The following DMD variants were observed in gnomAD, a reference collection of about 807,000 sequenced individuals.
DMD encodes the protein dystrophin.
In DMD, 63 loss-of-function variants were observed where a neutral mutation model predicts 330.1. That is an observed-to-expected ratio of 0.19 (90% CI 0.16 to 0.24). The LOEUF is 0.24. Among genes scored for constraint, DMD ranks in the 10% least tolerant of loss-of-function variants. The probability of loss-of-function intolerance (pLI) is 1.00; values close to 1 mark genes in which losing one functional copy is unlikely to be tolerated. For synonymous variants in DMD, 1,223 were observed against 959.8 expected (o/e 1.27, Z -5.07); for missense variants, 3,344 against 2,684.1 (o/e 1.25, Z -5.43).
At chrX:32,404,945 C>T (rs1022850124) in intron 30 of DMD, among the ~76,000 whole-genome samples, 2 of 111,531 alleles carry the variant, frequency 1.8e-5, no homozygotes, top group African/African-American at 6.5e-5. Context: ...TCTTCCATCA[C>T]CCATTTTCCA....
At chrX:32,585,188 AGT>A (rs1361965546) in intron 13 of DMD, among the ~76,000 whole-genome samples, 4 of 111,082 alleles carry the variant, frequency 3.6e-5, no homozygotes, top group African/African-American at 9.8e-5. Context: ...GACTGGGAAG[AGT>A]GTGTGGATGG....
At chrX:32,930,990 TTATA>T (rs1197684101) in intron 2 of DMD, among the ~76,000 whole-genome samples, 1 of 107,909 alleles carries the variant, frequency 9.3e-6, no homozygotes, top group African/African-American at 3.3e-5. Context: ...TATACATTTA[TTATA>T]TATATTATTT....
In DMD at chrX:32,653,338, T is replaced by C. The variant is rs151082420; in HGVS notation, c.961-8186A>G. Among the ~76,000 whole-genome samples the C allele has an allele frequency of 6.4e-4, 71 of 111,580 alleles. 1 individual carries two copies. Among genetic ancestry groups the C allele is most frequent in the African/African-American group, 2.1e-3 (64 of 30,528 alleles). ...CCATCTTGAATTCATTTTTGTATAA[T>C]GTGTAAGGAAGGGATCCAGTTTCAG... is the stretch of plus-strand genomic sequence containing the variant. On this transcript the variant is annotated intron_variant, in intron 9 of 78. Coordinates refer to ENST00000357033, the MANE Select transcript of DMD (RefSeq NM_004006.3).
chrX:31,784,609 T>C (rs2091197148), intron 50 of DMD, among the ~76,000 whole-genome samples: 4 of 111,967 alleles, frequency 3.6e-5, no homozygotes, highest in South Asian at 7.5e-4. Flanking sequence ...GCGATATGCA[T>C]TCATTAAGAA....
intron 6 of DMD, among the ~76,000 whole-genome samples, chrX:32,812,318 G>A (rs1219236419): frequency 8.9e-6 from 1 of 112,209 alleles, no homozygotes; most frequent in Non-Finnish European, 1.9e-5. Flanking sequence ...AGGTAGTTTA[G>A]CTGTTATTTT....
intron 44 of DMD, among the ~76,000 whole-genome samples, chrX:32,144,822 C>T (rs1490008434): frequency 9.0e-6 from 1 of 111,190 alleles, no homozygotes; most frequent in Non-Finnish European, 1.9e-5. Context: ...CACCTGAGGT[C>T]AGGAGTTCGA....
chrX:31,892,178 T>A lies in DMD; in HGVS notation c.6913-16805A>T, dbSNP rs374771280. On this transcript the variant is annotated intron_variant, in intron 47 of 78. Coordinates refer to ENST00000357033, the MANE Select transcript of DMD (RefSeq NM_004006.3). ...AAATTATCTACATCATTATTTGATA[T>A]CTTTTAATTTGCATTCCAAGAAGTT... 1.8e-4 allele frequency among the ~76,000 whole-genome samples: 20 copies of A among 112,562 alleles called. No homozygotes were observed. The East Asian group carries it at 4.2e-3, about 24-fold the overall frequency.
chrX:32,944,255 T>C (rs755478437), intron 2 of DMD, among the ~76,000 whole-genome samples: 2 of 112,585 alleles, frequency 1.8e-5, no homozygotes, highest in African/African-American at 3.2e-5. Flanking sequence ...TGGTTTTTAA[T>C]GTACAGATTT....
In DMD at chrX:32,998,516, A is replaced by T. The variant is rs190608407; in HGVS notation, c.93+21623T>A. Among the ~76,000 whole-genome samples the T allele has an allele frequency of 2.7e-5, 3 of 110,368 alleles. No individual in the cohort carries two copies. The East Asian group carries it at 8.5e-4, about 31-fold the overall frequency. ...ATCTGAGAGTGAGTAGTATGAGCAA[A>T]TGGCTTTTGTAAAGATTTTCTCAAA... On this transcript the variant is annotated intron_variant, in intron 2 of 78. Transcript: ENST00000357033.
intron 49 of DMD, among the ~76,000 whole-genome samples, chrX:31,821,485 C>A (rs888632368): frequency 7.2e-5 from 8 of 111,746 alleles, no homozygotes; most frequent in African/African-American, 2.3e-4. Context: ...CATCCTCTTG[C>A]GAAACCCGAG....
chrX:33,003,286 G>A (rs1474104685), intron 2 of DMD, among the ~76,000 whole-genome samples: 1 of 111,518 alleles, frequency 9.0e-6, no homozygotes, highest in Non-Finnish European at 1.9e-5. Context: ...TTAGAATAAT[G>A]GCCTCCAGTT....
chrX:33,144,844 C>T (rs1483299938), intron 1 of DMD, among the ~76,000 whole-genome samples: 4 of 111,931 alleles, frequency 3.6e-5, no homozygotes, highest in African/African-American at 9.7e-5. Flanking sequence ...GAAAACCCAC[C>T]ATTTCCTTCA....
chrX:32,758,291 TC>T (rs1384002333), intron 7 of DMD, among the ~76,000 whole-genome samples: 1 of 111,562 alleles, frequency 9.0e-6, no homozygotes, highest in Non-Finnish European at 1.9e-5. Context: ...ACATTTTAAT[TC>T]TTTAGCTTTA....
chrX:32,612,426 T>C (rs1245164044), intron 12 of DMD, among the ~76,000 whole-genome samples: 1 of 111,801 alleles, frequency 8.9e-6, no homozygotes. Flanking sequence ...CACAAATTTG[T>C]AAACTTTCTT....
chrX:32,550,952 T>C (rs1031911559), intron 16 of DMD, among the ~76,000 whole-genome samples: 4 of 110,648 alleles, frequency 3.6e-5, no homozygotes, highest in Non-Finnish European at 5.7e-5. Flanking sequence ...AATGGAATCA[T>C]TGAACAGACC....
intron 29 of DMD, among the ~76,000 whole-genome samples, chrX:32,433,132 T>C (rs1405493147): frequency 1.8e-5 from 2 of 112,382 alleles, no homozygotes; most frequent in Non-Finnish European, 3.8e-5. Context: ...TTATTTTAAT[T>C]AGTCAGCCAT....
intron 1 of DMD, among the ~76,000 whole-genome samples, chrX:33,334,250 C>T (rs955129461): frequency 9.0e-6 from 1 of 111,667 alleles, no homozygotes; most frequent in Non-Finnish European, 1.9e-5. Flanking sequence ...ATGAAACCAT[C>T]TTTATCTGTT....
chrX:31,427,524 G>A (rs896847403), intron 60 of DMD, among the ~76,000 whole-genome samples: 1 of 111,713 alleles, frequency 9.0e-6, no homozygotes, highest in East Asian at 2.8e-4. Context: ...ATAAAATACT[G>A]AACTGAACTT....
chrX:33,305,178 C>T (rs2053737538), intron 1 of DMD, among the ~76,000 whole-genome samples: 2 of 106,160 alleles, frequency 1.9e-5, no homozygotes, highest in South Asian at 8.7e-4. Flanking sequence ...AAATGTCCAA[C>T]AATGATAGAC....
Sources: gnomAD v4.1 joint callset for allele counts (sites outside exome capture counted in the v4.1 genomes callset) on GRCh38, gnomAD v4.1.1 for gene constraint, MANE v1.5 for transcripts, NCBI Gene and HGNC (gene_info 2026-07-23, HGNC 2026-07-21) for gene names.